AACS: variants seen among roughly 807,000 people sequenced by gnomAD.
AACS encodes acetoacetyl-CoA synthetase, also known as acetoacetate-CoA ligase.
A neutral mutation model predicts 83.1 loss-of-function variants in AACS; 69 were observed. The observed-to-expected ratio is 0.83, with a 90% CI of 0.68 to 1.01. The LOEUF is 1.01. AACS is among the 50% of genes least tolerant of loss of function. AACS has a pLI of 0.00. For missense variants in AACS, 866 were observed against 882.2 expected, an observed-to-expected ratio of 0.98 and a Z score of 0.23; for synonymous variants, 333 against 343.4, an observed-to-expected ratio of 0.97 and a Z score of 0.33.
chr12:125,136,562 G>T, intron 16 of AACS, 100 bp from the exon 17 acceptor site: 1 of 949,192 alleles, frequency 1.1e-6, no homozygotes. Context: ...AAGGCTTGGG[G>T]GACCCAGCCT....
chr12:125,114,454 G>A (rs370308389), intron 8 of AACS, 23 bp from the exon 9 acceptor site: 167 of 1,607,856 alleles, frequency 1.0e-4, no homozygotes, highest in Non-Finnish European at 1.2e-4. Context: ...GAGAGCACCC[G>A]CTCCCCCGTG....
At chr12:125,127,071 T>A (rs1330693434) in intron 12 of AACS, 1 of 150,264 alleles carries the variant, frequency 6.7e-6, no homozygotes, top group Non-Finnish European at 1.5e-5. Flanking sequence ...ACCTGGGAGG[T>A]GGAAGTTGCA....
chr12:125,120,581 C>T (rs900106437), intron 10 of AACS: 2 of 152,126 alleles, frequency 1.3e-5, no homozygotes, highest in Admixed American at 1.3e-4. Context: ...TACCCTTTTA[C>T]CCTTAAGCCA....
intron 5 of AACS, chr12:125,102,387 A>G: frequency 3.2e-6 from 1 of 317,084 alleles, no homozygotes. Flanking sequence ...TGCTGGGGAC[A>G]CAGGGACCTG....
chr12:125,106,759 CAA>C (rs2136099909), intron 7 of AACS, among the ~76,000 whole-genome samples: 1 of 152,300 alleles, frequency 6.6e-6, no homozygotes, highest in Non-Finnish European at 1.5e-5. Flanking sequence ...AGGCCATTTC[CAA>C]AGCCTCCTTC....
chr12:125,121,697 G>C (rs368320089), intron 10 of AACS: 2 of 152,302 alleles, frequency 1.3e-5, no homozygotes, highest in South Asian at 4.1e-4. Context: ...AGGTGTGGAC[G>C]TTGTCTGGGT....
intron 5 of AACS, among the ~76,000 whole-genome samples, chr12:125,098,532 A>G (rs919045258): frequency 4.6e-5 from 7 of 151,456 alleles, no homozygotes; most frequent in African/African-American, 1.7e-4. Flanking sequence ...GCTCACTGCA[A>G]CCTCTGCCTC....
chr12:125,088,270 T>C (rs544524429), intron 4 of AACS, among the ~76,000 whole-genome samples: 1 of 151,600 alleles, frequency 6.6e-6, no homozygotes, highest in African/African-American at 2.4e-5. Flanking sequence ...CTCACTCTGT[T>C]GCCCAGGCTG....
chr12:125,082,840 C>G (rs1313800673), intron 3 of AACS, among the ~76,000 whole-genome samples: 2 of 151,938 alleles, frequency 1.3e-5, no homozygotes. Context: ...CAGACACACA[C>G]ACACACACAA....
chr12:125,068,562 T>G (rs1305297533), intron 1 of AACS, among the ~76,000 whole-genome samples: 1 of 152,184 alleles, frequency 6.6e-6, no homozygotes, highest in Non-Finnish European at 1.5e-5. Flanking sequence ...GTGGCAGCAT[T>G]GTCCGGAGCT....
In AACS at chr12:125,103,546, T is replaced by C. The variant is rs1027380892; in HGVS notation, c.767+465T>C. On this transcript the variant is annotated intron_variant, in intron 7 of 17. Coordinates refer to ENST00000316519, the MANE Select transcript of AACS (RefSeq NM_023928.5). Reference sequence around the variant, plus strand: ...ACATGCATGTGTACATGTGTATGTATGGCTATGCATACATAAACACTCGTA... The same window carrying C: ...ACATGCATGTGTACATGTGTATGTACGGCTATGCATACATAAACACTCGTA... Among the ~76,000 whole-genome samples the C allele has an allele frequency of 3.3e-5, 5 of 152,324 alleles. No homozygotes were observed. The East Asian group carries it at 7.7e-4, about 24-fold the overall frequency.
chr12:125,094,296 A>C lies in AACS; in HGVS notation c.570+2773A>C, dbSNP rs368286099. Among the ~76,000 whole-genome samples the C allele has an allele frequency of 1.1e-4, 16 of 152,368 alleles. No individual in the cohort carries two copies. In the East Asian group the frequency reaches 1.9e-3, roughly 18 times the overall value. The stretch of plus-strand genomic sequence containing the variant: ...TAAGGGGCGCTCTTCAGAAACTGCA[A>C]TGAAGCGTGAATGTCTTCCCTTTGG... On this transcript the variant is annotated intron_variant, in intron 5 of 17. Transcript: ENST00000316519. The surrounding 1 kb of genome is among the most constrained non-coding windows in gnomAD (Gnocchi z 4.1).
chr12:125,136,943 G>A, intron 17 of AACS, 79 bp downstream of exon 17: 1 of 1,463,012 alleles, frequency 6.8e-7, no homozygotes, highest in Non-Finnish European at 9.4e-7. Context: ...TTACATCTGA[G>A]CAGCTTGCCG....
At chr12:125,110,708 G>A (rs1349802205) in intron 8 of AACS, among the ~76,000 whole-genome samples, 2 of 152,316 alleles carry the variant, frequency 1.3e-5, no homozygotes, top group Middle Eastern at 3.4e-3. Context: ...TCTCCAAGTG[G>A]AGAAACCTTT....
intron 3 of AACS, among the ~76,000 whole-genome samples, chr12:125,083,827 T>C (rs1292399862): frequency 6.6e-6 from 1 of 151,798 alleles, no homozygotes; most frequent in Non-Finnish European, 1.5e-5. Flanking sequence ...CTAAGTTTTA[T>C]ATTTTTAGTA....
chr12:125,123,626 G>A (rs1265061048), intron 10 of AACS: 1 of 152,310 alleles, frequency 6.6e-6, no homozygotes, highest in African/African-American at 2.4e-5. Context: ...TCTGTGCCAT[G>A]TTGCCTCGTG....
chr12:125,073,086 T>G (rs1448861551), intron 1 of AACS, among the ~76,000 whole-genome samples: 2 of 151,938 alleles, frequency 1.3e-5, no homozygotes, highest in Non-Finnish European at 2.9e-5. Context: ...GCCACCATGC[T>G]CGGCTAATTT....
chr12:125,086,370 G>A lies in AACS; in HGVS notation c.399G>A (p.Glu133=). 6.2e-7 allele frequency: 1 copy of A among 1,614,214 alleles called. No homozygotes were observed. The highest frequency in any genetic ancestry group is 8.5e-7 in the Non-Finnish European group (1 of 1,180,042). Residue 133 remains glutamate (E), a synonymous_variant, in exon 4 of 18, where the codon GAG becomes GAA. Transcript: ENST00000316519. Reference sequence around the variant, plus strand: ...AAATTGTGAAGGTGACTTTTGAAGAGCTGAGGCAAGAAGTGGCTTTGTTTG... The same window carrying A: ...AAATTGTGAAGGTGACTTTTGAAGAACTGAGGCAAGAAGTGGCTTTGTTTG... ...KEEIVKVTFE[E]LRQEVALFAA... is the part of the protein sequence containing the mutation.
Position 125,086,357 on chromosome 12 carries a change from T to C in AACS, c.386T>C (p.Val129Ala). 2 of 1,614,168 alleles carry C rather than the reference T, an allele frequency of 1.2e-6. No homozygotes were observed. Among genetic ancestry groups the C allele is most frequent in the South Asian group, 1.1e-5 (1 of 91,088 alleles). Residue 129 changes from valine to alanine, a missense_variant, in exon 4 of 18, where the codon GTG (valine) becomes GCG (alanine). By Grantham distance (64) the Val-to-Ala change is moderately conservative. Transcript: ENST00000316519. ...AREGKEEIVK[V>A]TFEELRQEVA... ...GAAGGCAAAGAGGAAATTGTGAAGG[T>C]GACTTTTGAAGAGCTGAGGCAAGAA...
Sources: gnomAD v4.1 joint callset for allele counts (sites outside exome capture counted in the v4.1 genomes callset) on GRCh38, gnomAD v4.1.1 for gene constraint, Gnocchi (gnomAD v3.1) non-coding constraint, MANE v1.5 for transcripts, NCBI Gene and HGNC (gene_info 2026-07-23, HGNC 2026-07-21) for gene names.